PPM1H: variants seen among roughly 807,000 people sequenced by gnomAD.
PPM1H encodes protein phosphatase, Mg2+/Mn2+ dependent 1H.
Under a neutral mutation model 54.9 loss-of-function variants are expected in PPM1H, and 27 were observed. The ratio of observed to expected loss-of-function variants is 0.49; its 90% CI spans 0.36 to 0.68. PPM1H has a LOEUF of 0.68. PPM1H is among the 30% of genes least tolerant of loss of function. The probability of loss-of-function intolerance (pLI) is 0.00; values close to 1 mark genes in which losing one functional copy is unlikely to be tolerated. For missense variants in PPM1H, 596 were observed against 667.8 expected (o/e 0.89, Z 1.19); for synonymous variants, 305 against 270.8 (o/e 1.13, Z -1.24).
intron 1 of PPM1H, among the ~76,000 whole-genome samples, chr12:62,912,889 G>A (rs987794071): frequency 1.4e-4 from 21 of 152,168 alleles, no homozygotes; most frequent in African/African-American, 3.9e-4. Context: ...CTTCCACCTG[G>A]CACTGTCAAA....
At chr12:62,705,393 T>C (rs557086961) in intron 6 of PPM1H, among the ~76,000 whole-genome samples, 1 of 152,202 alleles carries the variant, frequency 6.6e-6, no homozygotes, top group Non-Finnish European at 1.5e-5. Context: ...GAGCACCTAG[T>C]AGGTGCCGGG....
chr12:62,746,788 G>A (rs970019231), intron 4 of PPM1H, among the ~76,000 whole-genome samples: 5 of 152,180 alleles, frequency 3.3e-5, no homozygotes, highest in African/African-American at 1.2e-4. Flanking sequence ...CCAACACACA[G>A]GGTGCTACTG....
chr12:62,822,601 G>A (rs906828536), intron 2 of PPM1H, among the ~76,000 whole-genome samples: 16 of 152,124 alleles, frequency 1.1e-4, no homozygotes, highest in African/African-American at 2.2e-4. Context: ...ACTCAAAACC[G>A]CTCAACTACA....
chr12:62,902,062 T>G (rs1280406724), intron 1 of PPM1H, among the ~76,000 whole-genome samples: 1 of 152,126 alleles, frequency 6.6e-6, no homozygotes, highest in Non-Finnish European at 1.5e-5. Context: ...TATGAAACAC[T>G]TTAAAATAAA....
chr12:62,801,199 T>G (rs896373240), intron 3 of PPM1H, among the ~76,000 whole-genome samples: 1 of 152,250 alleles, frequency 6.6e-6, no homozygotes, highest in Non-Finnish European at 1.5e-5. Context: ...ATGGTGATCA[T>G]GCTCACATCT....
chr12:62,741,769 C>G (rs568647782), intron 4 of PPM1H, among the ~76,000 whole-genome samples: 3 of 152,258 alleles, frequency 2.0e-5, no homozygotes, highest in East Asian at 3.9e-4. Flanking sequence ...ATCTCCAGTG[C>G]TCAGTGCCTG....
intron 1 of PPM1H, among the ~76,000 whole-genome samples, chr12:62,883,598 C>G (rs73318229): frequency 0.015 from 2,243 of 152,222 alleles, 62 homozygotes; most frequent in African/African-American, 0.051. Context: ...ATACGGCAAA[C>G]CATGTTTGAA....
At position 62,774,688 on chromosome 12, in the gene PPM1H, G is replaced by T. The variant is rs1028515131; in HGVS notation, c.869+13538C>A. 3.3e-5 allele frequency among the ~76,000 whole-genome samples: 5 copies of T among 152,074 alleles called. No individual in the cohort carries two copies. In the East Asian group the frequency reaches 9.6e-4, roughly 29 times the overall value. ...TTATACTCCTTTTTTCCCCAATAAT[G>T]ATTGAAAGTTTTGACCAAGGAGAAA... On this transcript the variant is annotated intron_variant, in intron 4 of 9. Coordinates refer to ENST00000228705, the MANE Select transcript of PPM1H (RefSeq NM_020700.2).
intron 4 of PPM1H, chr12:62,755,406 G>C (rs767048808): frequency 2.7e-6 from 2 of 730,860 alleles, no homozygotes; most frequent in Non-Finnish European, 2.5e-6. Flanking sequence ...GCACTGCCAA[G>C]GCTGAGAATG....
chr12:62,834,948 G>C (rs560902192), intron 1 of PPM1H, among the ~76,000 whole-genome samples: 1 of 152,208 alleles, frequency 6.6e-6, no homozygotes, highest in African/African-American at 2.4e-5. Context: ...AAGCTCAAGT[G>C]GGGGTTCAGC....
intron 7 of PPM1H, among the ~76,000 whole-genome samples, chr12:62,692,542 G>T (rs2076089140): frequency 6.6e-6 from 1 of 152,054 alleles, no homozygotes; most frequent in African/African-American, 2.4e-5. Context: ...GAGATACAGG[G>T]GTAACAGAAT....
At chr12:62,709,503 G>C (rs951907597) in intron 6 of PPM1H, among the ~76,000 whole-genome samples, 2 of 151,986 alleles carry the variant, frequency 1.3e-5, no homozygotes, top group South Asian at 2.1e-4. Flanking sequence ...CCTTTGCTCC[G>C]AATGTCCTTC....
At chr12:62,828,922 T>A (rs1305520853) in intron 2 of PPM1H, among the ~76,000 whole-genome samples, 3 of 149,148 alleles carry the variant, frequency 2.0e-5, no homozygotes, top group African/African-American at 2.6e-5. Context: ...CCCATTAGAA[T>A]GATTACTATT....
At chr12:62,793,422 G>A (rs184508794) in intron 3 of PPM1H, among the ~76,000 whole-genome samples, 10 of 151,950 alleles carry the variant, frequency 6.6e-5, no homozygotes, top group Admixed American at 5.9e-4. Context: ...GGAGAAACGG[G>A]AGCCGAGAAA....
In PPM1H at chr12:62,673,587, A is replaced by G. The variant is rs79271397; in HGVS notation, c.1246-6258T>C. On this transcript the variant is annotated intron_variant, in intron 8 of 9. Transcript: ENST00000228705. ...CTGGTTTTTCCCTTTTAAGTACTCAATGTAGGACAATGAGCTCCTGCAGCT... is the reference window on the plus strand; with the variant it reads ...CTGGTTTTTCCCTTTTAAGTACTCAGTGTAGGACAATGAGCTCCTGCAGCT... Among the ~76,000 whole-genome samples, 706 of 152,168 alleles carry G rather than the reference A, an allele frequency of 4.6e-3. 4 individuals carry two copies. Among genetic ancestry groups the G allele is most frequent in the African/African-American group, 0.016 (660 of 41,514 alleles).
chr12:62,867,562 C>CTG (rs1481926545), intron 1 of PPM1H, among the ~76,000 whole-genome samples: 1 of 101,938 alleles, frequency 9.8e-6, no homozygotes, highest in East Asian at 2.9e-4. Context: ...CTTATGAGCA[C>CTG]TATTTTTTTT....
At chr12:62,864,536 CA>C (rs1450186189) in intron 1 of PPM1H, among the ~76,000 whole-genome samples, 1 of 152,154 alleles carries the variant, frequency 6.6e-6, no homozygotes. Flanking sequence ...CAGTTTAGAA[CA>C]ACCAAGTTAC....
intron 1 of PPM1H, among the ~76,000 whole-genome samples, chr12:62,932,496 C>T (rs1177843575): frequency 6.6e-6 from 1 of 152,084 alleles, no homozygotes. Flanking sequence ...CCTTGACAGG[C>T]GCCCTCGCCC....
intron 9 of PPM1H, among the ~76,000 whole-genome samples, chr12:62,648,989 A>G (rs1241090823): frequency 6.6e-6 from 1 of 152,238 alleles, no homozygotes; most frequent in Non-Finnish European, 1.5e-5. Flanking sequence ...GACAAATGGT[A>G]TCTAGCTTAA....
Sources: allele counts gnomAD v4.1 joint callset (sites outside exome capture counted in the v4.1 genomes callset), GRCh38; gene constraint gnomAD v4.1.1; transcripts MANE v1.5; gene names NCBI Gene and HGNC (gene_info 2026-07-23, HGNC 2026-07-21).